The following ANK3 variants were observed in gnomAD, a reference collection of about 807,000 sequenced individuals.
ANK3 encodes ankyrin-3.
Under a neutral mutation model 370.9 loss-of-function variants are expected in ANK3, and 57 were observed. The ratio of observed to expected loss-of-function variants is 0.15; its 90% CI spans 0.12 to 0.19. The LOEUF (loss-of-function observed/expected upper bound fraction) is 0.19. Ranked by LOEUF, ANK3 falls within the 10% of genes least tolerant of loss-of-function variation. The probability of loss-of-function intolerance (pLI) is 1.00; values close to 1 mark genes in which losing one functional copy is unlikely to be tolerated. For synonymous variants in ANK3, 1,929 were observed against 1,946.3 expected, an observed-to-expected ratio of 0.99 and a Z score of 0.23; for missense variants, 4,439 against 5,302.1, an observed-to-expected ratio of 0.84 and a Z score of 5.06.
chr10:60,615,071 T>C (rs988783875), intron 2 of ANK3: 2 of 655,240 alleles, frequency 3.1e-6, no homozygotes, highest in Non-Finnish European at 4.7e-6. Flanking sequence ...AATAAACTGG[T>C]TTAAAAGGAC....
intron 24 of ANK3, among the ~76,000 whole-genome samples, chr10:60,134,757 C>A (rs1056689284): frequency 2.4e-4 from 37 of 152,116 alleles, no homozygotes; most frequent in African/African-American, 8.7e-4. Flanking sequence ...ACTTGACATG[C>A]GCTACTGATA....
intron 2 of ANK3, among the ~76,000 whole-genome samples, chr10:60,464,888 T>C (rs2064973895): frequency 6.6e-6 from 1 of 152,220 alleles, no homozygotes; most frequent in Non-Finnish European, 1.5e-5. Context: ...TAGAAATCAA[T>C]GAGCCACACC....
chr10:60,031,334 G>T (rs1463072316), intron 43 of ANK3, among the ~76,000 whole-genome samples: 4 of 152,152 alleles, frequency 2.6e-5, no homozygotes, highest in Non-Finnish European at 1.5e-5. Flanking sequence ...CTTGCTGGAA[G>T]ATTCCTGCAT....
chr10:60,221,801 C>G (rs1194883089), intron 8 of ANK3, among the ~76,000 whole-genome samples: 1 of 152,222 alleles, frequency 6.6e-6, no homozygotes, highest in African/African-American at 2.4e-5. Context: ...CTTGCAGCCA[C>G]TCTTAGCCTT....
At chr10:60,105,873 C>T (rs2092102096) in intron 28 of ANK3, 32 bp downstream of exon 28, 1 of 1,559,156 alleles carries the variant, frequency 6.4e-7, no homozygotes, top group Admixed American at 2.0e-5. Flanking sequence ...TGCCTGCAGA[C>T]ATTTACAGAA....
intron 2 of ANK3, among the ~76,000 whole-genome samples, chr10:60,396,707 A>G (rs899978779): frequency 2.6e-5 from 4 of 152,206 alleles, no homozygotes; most frequent in East Asian, 1.9e-4. Flanking sequence ...TTTAATGTCT[A>G]TATAGTAATT....
intron 2 of ANK3, among the ~76,000 whole-genome samples, chr10:60,472,975 C>T (rs1299243986): frequency 6.6e-6 from 1 of 152,154 alleles, no homozygotes; most frequent in Non-Finnish European, 1.5e-5. Context: ...TACAGTTCCC[C>T]CGTCCTTCCC....
At chr10:60,095,553 A>C (rs956228638) in intron 28 of ANK3, among the ~76,000 whole-genome samples, 1 of 152,042 alleles carries the variant, frequency 6.6e-6, no homozygotes, top group East Asian at 1.9e-4. Context: ...GCTAATTTCT[A>C]AACTTTTTTT....
At chr10:60,182,858 A>G (rs1212462340) in intron 17 of ANK3, among the ~76,000 whole-genome samples, 1 of 152,244 alleles carries the variant, frequency 6.6e-6, no homozygotes, top group African/African-American at 2.4e-5. Context: ...TTCAAGAAAA[A>G]TAAGCCAGAG....
chr10:60,279,616 T>C lies in ANK3; in HGVS notation c.138A>G (p.Leu46=). The C allele has an allele frequency of 3.7e-6, 6 of 1,611,052 alleles. No homozygotes were observed. Among genetic ancestry groups the C allele is most frequent in the Non-Finnish European group, 4.2e-6 (5 of 1,179,320 alleles). ...CAAGGTGTCCAGCTCGAGCTGCTCT[T>C]AAGTAACTTGCATTGGCATCAGACT... ...KKKSDANASY[L]RAARAGHLEK... is the part of the protein sequence containing the mutation. Residue 46 remains leucine (L), a synonymous_variant, in exon 2 of 44, where the codon TTA becomes TTG. Coordinates refer to ENST00000280772, the MANE Select transcript of ANK3 (RefSeq NM_020987.5).
intron 2 of ANK3, among the ~76,000 whole-genome samples, chr10:60,518,677 T>C (rs1433330354): frequency 1.3e-5 from 2 of 152,146 alleles, no homozygotes; most frequent in African/African-American, 4.8e-5. Context: ...ATCTCACGGC[T>C]TGTGAAACCA....
At chr10:60,201,048 G>T (rs1434666395) in intron 12 of ANK3, among the ~76,000 whole-genome samples, 2 of 152,232 alleles carry the variant, frequency 1.3e-5, no homozygotes, top group African/African-American at 4.8e-5. Context: ...TCACATAGGT[G>T]ATGCTCACTT....
intron 7 of ANK3, among the ~76,000 whole-genome samples, chr10:60,237,945 G>A (rs1409899808): frequency 6.6e-6 from 1 of 152,182 alleles, no homozygotes; most frequent in Non-Finnish European, 1.5e-5. Flanking sequence ...GGCAGAATCA[G>A]GATCAGAATT....
intron 28 of ANK3, among the ~76,000 whole-genome samples, chr10:60,089,457 GGTTGTGT>G (rs1206011419): frequency 1.1e-4 from 15 of 131,820 alleles, no homozygotes; most frequent in African/African-American, 4.2e-4. Context: ...AGTCCATCCA[GGTTGTGT>G]GTGTGTGTGT....
At chr10:60,511,855 C>T (rs2076090088) in intron 2 of ANK3, among the ~76,000 whole-genome samples, 1 of 150,732 alleles carries the variant, frequency 6.6e-6, no homozygotes, top group Non-Finnish European at 1.5e-5. Context: ...ATTTTCCTAT[C>T]TAAAGAGAGA....
intron 26 of ANK3, among the ~76,000 whole-genome samples, chr10:60,113,541 T>C (rs554143875): frequency 7.5e-4 from 114 of 152,166 alleles, no homozygotes; most frequent in African/African-American, 2.6e-3. Context: ...AGACTTCATC[T>C]CTATGAAAAA....
In ANK3 at chr10:60,433,302, T is replaced by C. The variant is rs141018314; in HGVS notation, c.97-153663A>G. ...AGAGCCACAGTGGGATAATTTCACTTGGTAAGAACTTGTCATGCTCTCCTC... is the reference window on the plus strand; with the variant it reads ...AGAGCCACAGTGGGATAATTTCACTCGGTAAGAACTTGTCATGCTCTCCTC... On this transcript the variant is annotated intron_variant, in intron 2 of 43. Coordinates refer to the ANK3 transcript ENST00000373827. 3.0e-3 allele frequency among the ~76,000 whole-genome samples: 458 copies of C among 152,242 alleles called. 3 individuals are homozygous for C. Among genetic ancestry groups the C allele is most frequent in the African/African-American group, 0.01 (427 of 41,550 alleles).
chr10:60,216,476 G>C (rs776164342), intron 8 of ANK3, among the ~76,000 whole-genome samples: 11 of 152,102 alleles, frequency 7.2e-5, no homozygotes, highest in Admixed American at 1.3e-4. Context: ...TAACATGAAG[G>C]GATGTTGAAT....
chr10:60,245,264 A>C (rs1195733371), intron 7 of ANK3, among the ~76,000 whole-genome samples: 1 of 152,200 alleles, frequency 6.6e-6, no homozygotes, highest in Non-Finnish European at 1.5e-5. Flanking sequence ...TTTTCTTAAG[A>C]GTATAAAAAC....
Sources: gnomAD v4.1 joint callset for allele counts (sites outside exome capture counted in the v4.1 genomes callset) on GRCh38, gnomAD v4.1.1 for gene constraint, MANE v1.5 for transcripts, NCBI Gene and HGNC (gene_info 2026-07-23, HGNC 2026-07-21) for gene names.